The following AGTPBP1 variants were observed in gnomAD, a reference collection of about 807,000 sequenced individuals.
The protein encoded by AGTPBP1 is ATP/GTP binding carboxypeptidase 1.
A neutral mutation model predicts 143.9 loss-of-function variants in AGTPBP1; 70 were observed. The observed-to-expected ratio is 0.49, with a 90% CI of 0.40 to 0.59. The LOEUF (loss-of-function observed/expected upper bound fraction) is 0.59. AGTPBP1 is among the 20% of genes least tolerant of loss of function. AGTPBP1 has a pLI of 0.00. For missense variants in AGTPBP1, 1,229 were observed against 1,464.5 expected (o/e 0.84, Z 2.62); for synonymous variants, 463 against 500.2 (o/e 0.93, Z 0.99).
chr9:85,713,737 C>T (rs1489430360), intron 1 of AGTPBP1, among the ~76,000 whole-genome samples: 2 of 152,070 alleles, frequency 1.3e-5, no homozygotes, highest in African/African-American at 2.4e-5. Flanking sequence ...ACACGACATA[C>T]ATAATTTTTT....
At chr9:85,762,776 T>C in the AGTPBP1 span, among the ~76,000 whole-genome samples, 1 of 145,820 alleles carries the variant, frequency 6.9e-6, no homozygotes, top group Non-Finnish European at 1.5e-5. Flanking sequence ...TATATATATA[T>C]ATATAAAACT....
upstream of AGTPBP1, among the ~76,000 whole-genome samples, chr9:85,743,753 C>A (rs534938877): frequency 3.9e-5 from 6 of 152,270 alleles, no homozygotes; most frequent in South Asian, 8.3e-4. Flanking sequence ...ACCCTGTTAG[C>A]CTTTAAGCTT....
At chr9:85,594,923 A>G (rs1829199115) in intron 18 of AGTPBP1, among the ~76,000 whole-genome samples, 1 of 152,226 alleles carries the variant, frequency 6.6e-6, no homozygotes. Context: ...TTCATTCTTT[A>G]AAAGTCTAAA....
intron 22 of AGTPBP1, 111 bp from the exon 23 acceptor site, chr9:85,585,705 T>C (rs1828560203): frequency 3.6e-6 from 3 of 825,610 alleles, no homozygotes; most frequent in Non-Finnish European, 5.0e-6. Context: ...TTGGTCTTTT[T>C]ATTGTAAAAG....
At chr9:85,656,604 T>TAA (rs548157842) in intron 10 of AGTPBP1, among the ~76,000 whole-genome samples, 6 of 148,880 alleles carry the variant, frequency 4.0e-5, no homozygotes, top group African/African-American at 1.5e-4. Context: ...ATAGCTTTCT[T>TAA]AAAAAAAAAA....
At chr9:85,657,664 G>C (rs768465247) in intron 9 of AGTPBP1, 21 bp from the exon 10 acceptor site, 15 of 1,558,130 alleles carry the variant, frequency 9.6e-6, no homozygotes, top group African/African-American at 2.7e-5. Context: ...AGAAGATTGA[G>C]AAAGAATATT....
the AGTPBP1 span, among the ~76,000 whole-genome samples, chr9:85,747,617 T>G: frequency 1.3e-4 from 20 of 152,228 alleles, 1 homozygote; most frequent in Admixed American, 1.2e-3. Context: ...TCCTAGATAT[T>G]CTTTTAGATG....
chr9:85,606,121 G>A (rs552931523), intron 17 of AGTPBP1, among the ~76,000 whole-genome samples: 21 of 151,946 alleles, frequency 1.4e-4, no homozygotes, highest in Non-Finnish European at 2.8e-4. Flanking sequence ...ACAACCTGTC[G>A]AATGGGAGAA....
chr9:85,754,820 A>G, the AGTPBP1 span, among the ~76,000 whole-genome samples: 1 of 152,146 alleles, frequency 6.6e-6, no homozygotes, highest in Non-Finnish European at 1.5e-5. Context: ...TGTCATCACC[A>G]GTTGTAATTT....
intron 11 of AGTPBP1, among the ~76,000 whole-genome samples, chr9:85,651,468 C>T (rs1033659609): frequency 6.6e-6 from 1 of 152,080 alleles, no homozygotes; most frequent in African/African-American, 2.4e-5. Context: ...TATTATGTAT[C>T]TTTTGCCAAT....
At chr9:85,622,390 T>A (rs1358963212) in intron 14 of AGTPBP1, among the ~76,000 whole-genome samples, 2 of 152,190 alleles carry the variant, frequency 1.3e-5, no homozygotes, top group Non-Finnish European at 2.9e-5. Context: ...AACTCTCACA[T>A]AGTTTAGAAA....
At chr9:85,790,770 A>G in the AGTPBP1 span, among the ~76,000 whole-genome samples, 1 of 152,196 alleles carries the variant, frequency 6.6e-6, no homozygotes, top group Non-Finnish European at 1.5e-5. Flanking sequence ...ACACAGCTCT[A>G]TTGAGTTATC....
At chr9:85,625,094 C>T (rs908232275) in intron 14 of AGTPBP1, among the ~76,000 whole-genome samples, 2 of 152,204 alleles carry the variant, frequency 1.3e-5, no homozygotes, top group Admixed American at 1.3e-4. Context: ...CTTTGAATGC[C>T]ACTTCACACG....
At chr9:85,742,046 G>C, upstream of AGTPBP1, 1 of 1,183,278 alleles carries the variant, frequency 8.5e-7, no homozygotes, top group Non-Finnish European at 1.0e-6. Flanking sequence ...GGGGCGGGGC[G>C]TGCGAGGCCG....
intron 23 of AGTPBP1, among the ~76,000 whole-genome samples, chr9:85,584,771 T>A (rs763838110): frequency 6.6e-4 from 100 of 152,192 alleles, no homozygotes; most frequent in Non-Finnish European, 1.2e-3. Flanking sequence ...GCAACAAACT[T>A]CATAAAGTAT....
the AGTPBP1 span, among the ~76,000 whole-genome samples, chr9:85,748,055 A>G: frequency 6.6e-6 from 1 of 152,098 alleles, no homozygotes; most frequent in East Asian, 1.9e-4. Flanking sequence ...AACTTCTTGG[A>G]AAAGTTGACT....
chr9:85,549,126 G>A (rs34263635), intron 25 of AGTPBP1, among the ~76,000 whole-genome samples: 3,089 of 152,332 alleles, frequency 0.02, 47 homozygotes, highest in Non-Finnish European at 0.031. Context: ...AGGGAAAAGA[G>A]GGAAGGGAGA....
At chr9:85,602,079 G>C (rs1472901491) in intron 17 of AGTPBP1, among the ~76,000 whole-genome samples, 1 of 152,006 alleles carries the variant, frequency 6.6e-6, no homozygotes, top group African/African-American at 2.4e-5. Context: ...AAGGACACAA[G>C]AAACACGAAA....
At chr9:85,643,009 T>A in intron 12 of AGTPBP1, 66 bp from the exon 13 acceptor site, 1 of 1,044,226 alleles carries the variant, frequency 9.6e-7, no homozygotes, top group African/African-American at 1.6e-5. Context: ...GAAAACATTT[T>A]AGATTTAAAA....
Sources: gnomAD v4.1 joint callset for allele counts (sites outside exome capture counted in the v4.1 genomes callset) on GRCh38, gnomAD v4.1.1 for gene constraint, MANE v1.5 for transcripts, NCBI Gene and HGNC (gene_info 2026-07-23, HGNC 2026-07-21) for gene names.